Variants in RBM47 observed in about 807,000 individuals in gnomAD.
RBM47 encodes RNA-binding protein 47.
In RBM47, 21 loss-of-function variants were observed where a neutral mutation model predicts 47.1. The ratio of observed to expected loss-of-function variants is 0.45; its 90% CI spans 0.32 to 0.64. RBM47 has a LOEUF of 0.64. Ranked by LOEUF, RBM47 falls within the 30% of genes least tolerant of loss-of-function variation. The pLI, the probability that RBM47 is intolerant of heterozygous loss-of-function variation, is 0.05. For missense variants in RBM47, 708 were observed against 870.9 expected (o/e 0.81, Z 2.35); for synonymous variants, 375 against 361.7 (o/e 1.04, Z -0.42).
At chr4:40,607,477 C>T (rs184228428) in intron 1 of RBM47, among the ~76,000 whole-genome samples, 253 of 152,174 alleles carry the variant, frequency 1.7e-3, no homozygotes, top group African/African-American at 5.7e-3. Context: ...GAGGCTGTGG[C>T]AGGAGGATCA....
At chr4:40,441,341 C>G (rs556182623) in intron 3 of RBM47, among the ~76,000 whole-genome samples, 7 of 151,704 alleles carry the variant, frequency 4.6e-5, no homozygotes, top group African/African-American at 1.7e-4. Context: ...TAGTCTCAAA[C>G]TCCTGGGCTC....
chr4:40,599,154 A>G (rs1735016089), intron 1 of RBM47, among the ~76,000 whole-genome samples: 1 of 151,088 alleles, frequency 6.6e-6, no homozygotes, highest in African/African-American at 2.4e-5. Flanking sequence ...GCTACATAGG[A>G]GGTTGAGGCA....
At chr4:40,531,941 C>T (rs1034904862) in intron 2 of RBM47, among the ~76,000 whole-genome samples, 1 of 151,824 alleles carries the variant, frequency 6.6e-6, no homozygotes, top group Non-Finnish European at 1.5e-5. Flanking sequence ...AGTTCTAGAC[C>T]TGGGTATTCT....
chr4:40,423,710 TTCTTTTC>T lies in RBM47; in HGVS notation c.*2187_*2193del, dbSNP rs1362076359. ...TTTCTTTCTTTCTTTCTTTCTTTCT[TTCTTTTC>T]TTTCTTTTCTTTCTTCCTCTTCTTC... On this transcript the variant is annotated 3_prime_UTR_variant, in exon 7 of 7. Coordinates refer to ENST00000295971, the MANE Select transcript of RBM47 (RefSeq NM_001098634.2). 1.4e-4 allele frequency: 12 copies of T among 83,136 alleles called. No homozygotes were observed. The highest frequency in any genetic ancestry group is 8.1e-4 in the African/African-American group (10 of 12,382). The allele number at this position is 83,136 out of a possible 1,614,324, so 5.1% of individuals were successfully genotyped here.
chr4:40,451,770 C>T (rs1715479564), intron 3 of RBM47, among the ~76,000 whole-genome samples: 1 of 152,192 alleles, frequency 6.6e-6, no homozygotes, highest in Admixed American at 6.5e-5. Flanking sequence ...CTCATTCAAA[C>T]ACTAATTGAG....
At chr4:40,493,062 C>A (rs1722104036) in intron 2 of RBM47, among the ~76,000 whole-genome samples, 1 of 152,142 alleles carries the variant, frequency 6.6e-6, no homozygotes, top group African/African-American at 2.4e-5. Flanking sequence ...CACAGAGAAG[C>A]TCAAAAACTA....
At chr4:40,470,396 A>ACTC (rs1296503893) in intron 2 of RBM47, among the ~76,000 whole-genome samples, 2 of 151,806 alleles carry the variant, frequency 1.3e-5, no homozygotes, top group Non-Finnish European at 2.9e-5. Flanking sequence ...GCCGCTCATG[A>ACTC]CTCCGTCTTC....
At chr4:40,486,462 TAGATAGAAATCGAAAC>T (rs1721103624) in intron 2 of RBM47, among the ~76,000 whole-genome samples, 1 of 152,192 alleles carries the variant, frequency 6.6e-6, no homozygotes, top group Non-Finnish European at 1.5e-5. Context: ...CTGATTAAAA[TAGATAGAAATCGAAAC>T]AGTGAGTCCT....
At chr4:40,582,511 G>A (rs1363476785) in intron 1 of RBM47, among the ~76,000 whole-genome samples, 1 of 152,096 alleles carries the variant, frequency 6.6e-6, no homozygotes, top group Non-Finnish European at 1.5e-5. Flanking sequence ...TCCAGCCTGG[G>A]CAACAGAGCA....
chr4:40,431,748 C>G (rs978002928), intron 6 of RBM47, among the ~76,000 whole-genome samples: 1 of 62,718 alleles, frequency 1.6e-5, no homozygotes, highest in Non-Finnish European at 3.8e-5. Context: ...CCAGGATACA[C>G]TATGAAAAAG....
At chr4:40,539,744 A>C (rs1450413983) in intron 2 of RBM47, among the ~76,000 whole-genome samples, 1 of 115,776 alleles carries the variant, frequency 8.6e-6, no homozygotes, top group African/African-American at 5.4e-5. Flanking sequence ...TGTCTCAAAA[A>C]AAAAAAAAAA....
chr4:40,593,240 C>T (rs897793876), intron 1 of RBM47, among the ~76,000 whole-genome samples: 23 of 150,346 alleles, frequency 1.5e-4, no homozygotes, highest in East Asian at 4.0e-4. Flanking sequence ...CCTCGTGATC[C>T]GCCCACCTTG....
intron 1 of RBM47, among the ~76,000 whole-genome samples, chr4:40,615,543 G>A (rs1736647144): frequency 6.6e-6 from 1 of 152,032 alleles, no homozygotes; most frequent in Non-Finnish European, 1.5e-5. Flanking sequence ...CACTTTTGGA[G>A]GCCAAAGCAG....
At chr4:40,591,919 T>C (rs577535400) in intron 1 of RBM47, among the ~76,000 whole-genome samples, 3 of 152,178 alleles carry the variant, frequency 2.0e-5, no homozygotes, top group Non-Finnish European at 4.4e-5. Flanking sequence ...GGTAAATTTA[T>C]GTGAAAATGG....
intron 1 of RBM47, among the ~76,000 whole-genome samples, chr4:40,606,565 T>C (rs539070042): frequency 6.6e-6 from 1 of 152,288 alleles, no homozygotes; most frequent in African/African-American, 2.4e-5. Context: ...CCCAAGCCCC[T>C]GCTCTGCAGC....
chr4:40,587,593 A>G (rs1733713743), intron 1 of RBM47, among the ~76,000 whole-genome samples: 2 of 152,236 alleles, frequency 1.3e-5, no homozygotes. Context: ...ATTTCACCAA[A>G]TAACACATTG....
At chr4:40,542,098 G>C (rs537716013) in intron 2 of RBM47, among the ~76,000 whole-genome samples, 1 of 152,232 alleles carries the variant, frequency 6.6e-6, no homozygotes, top group East Asian at 1.9e-4. Flanking sequence ...ATTAGCAGGG[G>C]AGCAATACTT....
chr4:40,504,481 C>T (rs1479214485), intron 2 of RBM47, among the ~76,000 whole-genome samples: 6 of 151,884 alleles, frequency 4.0e-5, no homozygotes, highest in African/African-American at 7.3e-5. Flanking sequence ...TTAGTAGAAA[C>T]GGGGTTTCAC....
In RBM47 at chr4:40,628,180, A is replaced by G. The variant is rs531463614; in HGVS notation, c.-240+1216T>C. On this transcript the variant is annotated intron_variant, in intron 1 of 6. Coordinates refer to ENST00000295971, the MANE Select transcript of RBM47 (RefSeq NM_001098634.2). This position sits in a 1 kb window ranked among gnomAD's most constrained non-coding sequence, Gnocchi z 4.0. ...TAAGTCAAAGAGGCCAACAGTGTGTATATCAGAACAAGGTGAAGGGTAAAG... is the reference window on the plus strand; with the variant it reads ...TAAGTCAAAGAGGCCAACAGTGTGTGTATCAGAACAAGGTGAAGGGTAAAG... Among the ~76,000 whole-genome samples, 856 of 152,342 alleles carry G rather than the reference A, an allele frequency of 5.6e-3. 5 individuals carry two copies. Among genetic ancestry groups the G allele is most frequent in the Middle Eastern group, 0.024 (7 of 294 alleles).
Sources: gnomAD v4.1 joint callset for allele counts (sites outside exome capture counted in the v4.1 genomes callset) on GRCh38, gnomAD v4.1.1 for gene constraint, Gnocchi (gnomAD v3.1) non-coding constraint, MANE v1.5 for transcripts, NCBI Gene and HGNC (gene_info 2026-07-23, HGNC 2026-07-21) for gene names.